The following VAT1 variants were observed in gnomAD, a reference collection of about 807,000 sequenced individuals.
The protein encoded by VAT1 is vesicle amine transport 1, also known as NADPH-dependent quinone oxidoreductase VAT1.
A neutral mutation model predicts 33.3 loss-of-function variants in VAT1; 24 were observed. That is an observed-to-expected ratio of 0.72 (90% confidence interval 0.52 to 1.01). The LOEUF is 1.01. VAT1 is among the 50% of genes least tolerant of loss of function. VAT1 has a pLI of 0.00. For missense variants in VAT1, 436 were observed against 533.7 expected, an observed-to-expected ratio of 0.82 and a Z score of 1.80; for synonymous variants, 212 against 225.0, an observed-to-expected ratio of 0.94 and a Z score of 0.52.
At chr17:43,020,900 A>C (rs1325144835) in intron 1 of VAT1, among the ~76,000 whole-genome samples, 1 of 151,128 alleles carries the variant, frequency 6.6e-6, no homozygotes, top group Non-Finnish European at 1.5e-5. Context: ...AAAAAAGAAA[A>C]AGAAAAAAAA....
Position 43,021,962 on chromosome 17 carries a change from C to T in VAT1, c.361G>A (p.Val121Met), listed in dbSNP as rs547033884. The T allele has an allele frequency of 2.5e-6, 4 of 1,611,068 alleles. No individual in the cohort carries two copies. The South Asian group carries it at 4.4e-5, about 18-fold the overall frequency. The change falls in exon 1 of 6, where the codon GTG (valine) becomes ATG (methionine). Residue 121 changes from valine (V) to methionine (M), a missense_variant. Val to Met is a conservative substitution (Grantham distance 21, BLOSUM62 1). This residue lies in a region of VAT1 where 282 missense variants were observed against 405.4 expected (regional missense o/e 0.70). Transcript: ENST00000355653. ...TTGCGGTCGCTGACTCCCTCGCCCACTGCGATCACAACACCCGCGCCCTCC... is the reference window on the plus strand; with the variant it reads ...TTGCGGTCGCTGACTCCCTCGCCCATTGCGATCACAACACCCGCGCCCTCC... ...GMEGAGVVIAVGEGVSDRKAG... is the reference protein window; with the variant it reads ...GMEGAGVVIAMGEGVSDRKAG...
chr17:43,020,910 A>G (rs549018647), intron 1 of VAT1, among the ~76,000 whole-genome samples: 7 of 151,828 alleles, frequency 4.6e-5, no homozygotes, highest in Non-Finnish European at 1.0e-4. Context: ...AAGAAAAAAA[A>G]AAGAAACCTC....
chr17:43,018,046 A>T lies in VAT1; in HGVS notation c.756T>A (p.Ile252=), dbSNP rs1459593880. ...TATTATGCCCCCCACCTTTAGGGGA[A>T]ATCTTCTTGATCTCATCCACGTAGT... The part of the protein sequence containing the change: ...TTDYVDEIKK[I]SPKGVDIVMD... Residue 252 remains isoleucine, a synonymous_variant, in exon 3 of 6, where the codon ATT becomes ATA. Coordinates refer to ENST00000355653, the MANE Select transcript of VAT1 (RefSeq NM_006373.4). 5.0e-6 allele frequency: 8 copies of T among 1,613,162 alleles called. No homozygotes were observed. The highest frequency in any genetic ancestry group is 1.3e-5 in the African/African-American group (1 of 74,822).
chr17:43,018,247 C>A, intron 2 of VAT1, 41 bp from the exon 3 acceptor site: 1 of 1,581,474 alleles, frequency 6.3e-7, no homozygotes, highest in South Asian at 1.1e-5. Context: ...TGGAGTTGCC[C>A]TGGCCACCAA....
At position 43,016,030 on chromosome 17, in the gene VAT1, G is replaced by T; in HGVS notation, c.*31C>A. 1 of 1,610,988 alleles carries T rather than the reference G, an allele frequency of 6.2e-7. No individual in the cohort carries two copies. Among genetic ancestry groups the T allele is most frequent in the South Asian group, 1.1e-5 (1 of 90,930 alleles). ...ACGTAGCTTCCCAACTTCTCCCTTC[G>T]CTGGTCTCTAGGGTCTCACAGCCAC... On this transcript the variant is annotated 3_prime_UTR_variant, in exon 6 of 6. Transcript: ENST00000355653.
At chr17:43,020,334 G>C in intron 1 of VAT1, 1 of 983,324 alleles carries the variant, frequency 1.0e-6, no homozygotes, top group Non-Finnish European at 1.2e-6. Flanking sequence ...GGGGAGGTGA[G>C]GTGGGTGGCC....
intron 1 of VAT1, among the ~76,000 whole-genome samples, 171 bp downstream of exon 1, chr17:43,021,765 G>A (rs1204227463): frequency 6.6e-6 from 1 of 152,152 alleles, no homozygotes; most frequent in African/African-American, 2.4e-5. Context: ...CCACATAAAT[G>A]CCGCTCTCCA....
Position 43,017,825 on chromosome 17 carries a change from T to C in VAT1, c.856+16A>G. 3 of 1,612,568 alleles carry C rather than the reference T, an allele frequency of 1.9e-6. No homozygotes were observed. In the East Asian group the frequency reaches 6.7e-5, roughly 36 times the overall value. The stretch of plus-strand genomic sequence containing the variant: ...TGCCCTCACATGCTCTCTCCATCCC[T>C]GGCCCACTAACTCACCATAGGTGAC... On this transcript the variant is annotated intron_variant, in intron 4 of 5. Coordinates refer to ENST00000355653, the MANE Select transcript of VAT1 (RefSeq NM_006373.4).
Position 43,018,127 on chromosome 17 carries a change from C to T in VAT1, c.675G>A (p.Lys225=). The T allele has an allele frequency of 1.2e-6, 2 of 1,614,202 alleles. No individual in the cohort carries two copies. The highest frequency in any genetic ancestry group is 1.7e-6 in the Non-Finnish European group (2 of 1,180,052). ...VTVFGTASAS[K]HEALKENGVT... is the part of the protein sequence containing the mutation. Reference sequence around the variant, plus strand: ...CCCCATTCTCCTTCAGTGCCTCGTGCTTGCTGGCCGAGGCCGTTCCGAACA... The same window carrying T: ...CCCCATTCTCCTTCAGTGCCTCGTGTTTGCTGGCCGAGGCCGTTCCGAACA... Residue 225 remains lysine, a synonymous_variant, in exon 3 of 6, where the codon AAG becomes AAA. Coordinates refer to ENST00000355653, the MANE Select transcript of VAT1 (RefSeq NM_006373.4).
Position 43,022,032 on chromosome 17 carries a change from C to G in VAT1, c.291G>C (p.Gln97His), listed in dbSNP as rs764804418. 1 of 1,607,486 alleles carries G rather than the reference C, an allele frequency of 6.2e-7. No individual in the cohort carries two copies. The highest frequency in any genetic ancestry group is 8.5e-7 in the Non-Finnish European group (1 of 1,178,466). ...GLNFADLMAR[Q>H]GLYDRLPPLP... ...GAGGCGGGAGACGGTCGTACAGCCCCTGCCTAGCCATGAGGTCTGCGAAGT... is the reference window on the plus strand; with the variant it reads ...GAGGCGGGAGACGGTCGTACAGCCCGTGCCTAGCCATGAGGTCTGCGAAGT... Residue 97 changes from glutamine to histidine, a missense_variant, in exon 1 of 6, where the codon CAG (glutamine) becomes CAC (histidine). By Grantham distance (24) the Gln-to-His change is conservative. Around this residue, in one of 2 missense-constraint regions of VAT1, gnomAD observed 282 missense variants for 405.4 expected, o/e 0.70. Coordinates refer to ENST00000355653, the MANE Select transcript of VAT1 (RefSeq NM_006373.4).
At chr17:43,021,442 G>A (rs935898643) in intron 1 of VAT1, among the ~76,000 whole-genome samples, 7 of 152,318 alleles carry the variant, frequency 4.6e-5, no homozygotes, top group Non-Finnish European at 1.0e-4. Flanking sequence ...CCACGGGGCT[G>A]CATGTGACCA....
At chr17:43,021,782 C>T (rs1470258772) in intron 1 of VAT1, among the ~76,000 whole-genome samples, 154 bp downstream of exon 1, 1 of 152,176 alleles carries the variant, frequency 6.6e-6, no homozygotes. Flanking sequence ...TCCAGGAGCC[C>T]CCAAACACAA....
intron 1 of VAT1, among the ~76,000 whole-genome samples, chr17:43,020,853 C>T (rs1211705781): frequency 7.9e-6 from 1 of 126,546 alleles, no homozygotes; most frequent in South Asian, 2.4e-4. Context: ...CCAGCCTGGG[C>T]AACAAGAGCG....
chr17:43,018,444 C>T (rs190947397), intron 2 of VAT1, 148 bp downstream of exon 2: 338 of 1,011,684 alleles, frequency 3.3e-4, no homozygotes, highest in Non-Finnish European at 4.4e-4. Flanking sequence ...TGAATGTTAC[C>T]ACGGCAACTA....
chr17:43,018,300 AT>A, intron 2 of VAT1, 94 bp from the exon 3 acceptor site: 1 of 1,420,124 alleles, frequency 7.0e-7, no homozygotes, highest in Non-Finnish European at 9.6e-7. Flanking sequence ...TGTCACCTTC[AT>A]TTTGCCTACG....
Position 43,016,367 on chromosome 17 carries a change from C to T in VAT1, c.1038G>A (p.Leu346=), listed in dbSNP as rs766057065. 9.3e-6 allele frequency: 15 copies of T among 1,612,646 alleles called. 1 individual carries two copies. The South Asian group carries it at 1.5e-4, about 17-fold the overall frequency. ...ELVSGVVARL[L]ALYNQGHIKP... is the part of the protein sequence containing the mutation. ...TGATGTGGCCCTGGTTGTACAGAGCCAGGAGGCGGGCCACCACACCACTGA... is the reference window on the plus strand; with the variant it reads ...TGATGTGGCCCTGGTTGTACAGAGCTAGGAGGCGGGCCACCACACCACTGA... The change falls in exon 5 of 6, where the codon CTG becomes CTA. Residue 346 remains leucine, a synonymous_variant. Coordinates refer to ENST00000355653, the MANE Select transcript of VAT1 (RefSeq NM_006373.4).
intron 1 of VAT1, among the ~76,000 whole-genome samples, chr17:43,020,767 C>A (rs930077221): frequency 1.3e-5 from 2 of 150,986 alleles, no homozygotes; most frequent in Non-Finnish European, 2.9e-5. Flanking sequence ...CCCAGCTACT[C>A]GAGAGGCTGA....
At chr17:43,020,604 G>A (rs1182420635) in intron 1 of VAT1, among the ~76,000 whole-genome samples, 2 of 152,090 alleles carry the variant, frequency 1.3e-5, no homozygotes, top group African/African-American at 2.4e-5. Flanking sequence ...CTGGCCAAGC[G>A]CAGTGGCTTA....
rs1018074090 is a variant in VAT1, at chr17:43,015,051, G to C, written c.*1010C>G. The C allele has an allele frequency of 1.3e-5, 2 of 152,718 alleles. No homozygotes were observed. The highest frequency in any genetic ancestry group is 6.5e-5 in the Admixed American group (1 of 15,290). 9.5% of individuals were successfully genotyped at this position (152,718 alleles called of 1,614,324 possible). The stretch of plus-strand genomic sequence containing the variant: ...GCACTGCCTTTCAGAGCTCTGGCTA[G>C]TAAATGCCACACATATCTGCAAGGC... On this transcript the variant is annotated 3_prime_UTR_variant, in exon 6 of 6. Transcript: ENST00000355653.
Sources: gnomAD v4.1 joint callset for allele counts (sites outside exome capture counted in the v4.1 genomes callset) on GRCh38, gnomAD v4.1.1 for gene constraint, gnomAD v4.1.1 regional missense constraint, MANE v1.5 for transcripts, NCBI Gene and HGNC (gene_info 2026-07-23, HGNC 2026-07-21) for gene names.